Variants in PARN observed in about 807,000 individuals in gnomAD.
The protein encoded by PARN is poly(A)-specific ribonuclease.
A neutral mutation model predicts 102.8 loss-of-function variants in PARN; 71 were observed. That is an observed-to-expected ratio of 0.69 (90% confidence interval 0.57 to 0.84). The LOEUF (loss-of-function observed/expected upper bound fraction) is 0.84, where lower values mean the gene tolerates loss of function less well. PARN is among the 40% of genes least tolerant of loss of function. PARN has a pLI of 0.00. For synonymous variants in PARN, 261 were observed against 252.9 expected (o/e 1.03, Z -0.30); for missense variants, 782 against 760.9 (o/e 1.03, Z -0.33).
intron 22 of PARN, among the ~76,000 whole-genome samples, chr16:14,447,927 A>G (rs12598986): frequency 0.16 from 24,700 of 150,760 alleles, 2,101 homozygotes; most frequent in East Asian, 0.25. Flanking sequence ...GGAGGTGGGT[A>G]CTTTTAAATT....
rs530015458 is a variant in PARN, at chr16:14,443,443, C to T, written c.1864+3445G>A. Among the ~76,000 whole-genome samples, 9 of 151,262 alleles carry T rather than the reference C, an allele frequency of 5.9e-5. No individual in the cohort carries two copies. The East Asian group carries it at 7.8e-4, about 13-fold the overall frequency. On this transcript the variant is annotated intron_variant, in intron 23 of 23. Coordinates refer to ENST00000437198, the MANE Select transcript of PARN (RefSeq NM_002582.4). ...GCAACCTCTGCCTCCCTGGTTCAAG[C>T]GATTCTCCTGCCTCAGCCTCCCAAG... is the stretch of plus-strand genomic sequence containing the variant.
At chr16:14,599,398 T>C (rs1041902734) in intron 12 of PARN, among the ~76,000 whole-genome samples, 2 of 152,182 alleles carry the variant, frequency 1.3e-5, no homozygotes, top group Non-Finnish European at 2.9e-5. Flanking sequence ...ATATCTATCA[T>C]AGAGTCCCCT....
chr16:14,461,586 C>T (rs1322990293), intron 22 of PARN, among the ~76,000 whole-genome samples: 1 of 152,194 alleles, frequency 6.6e-6, no homozygotes, highest in Admixed American at 6.5e-5. Flanking sequence ...TTTGTCACAA[C>T]CACTTTCCTC....
intron 5 of PARN, among the ~76,000 whole-genome samples, chr16:14,626,520 T>C (rs1306063016): frequency 6.6e-6 from 1 of 152,130 alleles, no homozygotes; most frequent in Non-Finnish European, 1.5e-5. Flanking sequence ...CAAATGGAGT[T>C]ACGAAACTAT....
chr16:14,462,294 G>C (rs2151574036), intron 22 of PARN, among the ~76,000 whole-genome samples: 1 of 152,168 alleles, frequency 6.6e-6, no homozygotes, highest in South Asian at 2.1e-4. Flanking sequence ...AGTATTGAAG[G>C]GGGAAAGTCA....
chr16:14,443,765 C>A (rs1961063481), intron 23 of PARN, among the ~76,000 whole-genome samples: 2 of 152,190 alleles, frequency 1.3e-5, no homozygotes, highest in South Asian at 2.1e-4. Flanking sequence ...ACAGAAAATA[C>A]CCACAGGTAG....
chr16:14,459,675 T>C (rs992308814), intron 22 of PARN, among the ~76,000 whole-genome samples: 11 of 152,166 alleles, frequency 7.2e-5, no homozygotes, highest in Non-Finnish European at 1.2e-4. Flanking sequence ...ACTAAAACTT[T>C]TGTGGAAAAG....
At chr16:14,600,043 C>T in intron 11 of PARN, 83 bp from the exon 12 acceptor site, 2 of 757,418 alleles carry the variant, frequency 2.6e-6, no homozygotes, top group Non-Finnish European at 2.0e-6. Context: ...AAAAAAAAGA[C>T]ACTGAAATTT....
intron 19 of PARN, among the ~76,000 whole-genome samples, chr16:14,554,589 C>A (rs536772255): frequency 6.6e-6 from 1 of 151,890 alleles, no homozygotes; most frequent in Non-Finnish European, 1.5e-5. Context: ...TGCCACCGTG[C>A]CTGGCTAATT....
intron 5 of PARN, among the ~76,000 whole-genome samples, chr16:14,622,633 T>A (rs572396634): frequency 6.6e-6 from 1 of 152,278 alleles, no homozygotes; most frequent in Admixed American, 6.5e-5. Context: ...GCCTCCCGAG[T>A]AGCTGGGACT....
intron 21 of PARN, among the ~76,000 whole-genome samples, chr16:14,491,768 T>A (rs750510203): frequency 6.7e-6 from 1 of 150,266 alleles, no homozygotes; most frequent in Non-Finnish European, 1.5e-5. Flanking sequence ...TAAGACCCTA[T>A]CTCAAAAAAA....
In PARN at chr16:14,567,576, T is replaced by C. The variant is rs769285276; in HGVS notation, c.1263-11867A>G. 5.8e-4 allele frequency among the ~76,000 whole-genome samples: 89 copies of C among 152,282 alleles called. No individual in the cohort carries two copies. The Middle Eastern group carries it at 0.014, about 23-fold the overall frequency. On this transcript the variant is annotated intron_variant, in intron 18 of 23. Coordinates refer to ENST00000437198, the MANE Select transcript of PARN (RefSeq NM_002582.4). ...TTACTCCCTCATGCAAGCACATTAA[T>C]ATAAAATTAAAGGATAACTACTACC...
intron 6 of PARN, among the ~76,000 whole-genome samples, chr16:14,616,870 G>C (rs1284292377): frequency 6.6e-6 from 1 of 152,036 alleles, no homozygotes; most frequent in Admixed American, 6.6e-5. Context: ...TGGAATACAG[G>C]ACATTTCTAA....
chr16:14,482,771 T>C lies in PARN; in HGVS notation c.1537A>G (p.Met513Val), dbSNP rs1963452428. Residue 513 changes from methionine to valine, a missense_variant, in exon 22 of 24, where the codon ATG becomes GTG. Coordinates refer to ENST00000437198, the MANE Select transcript of PARN (RefSeq NM_002582.4). ...SYRIQTYAEY[M>V]GRKQEEKQIK... Reference sequence around the variant, plus strand: ...TGCTTCTCTTCCTGTTTTCTCCCCATATATTCAGCATAGGTTTGGATCCGA... The same window carrying C: ...TGCTTCTCTTCCTGTTTTCTCCCCACATATTCAGCATAGGTTTGGATCCGA... 1.2e-6 allele frequency: 2 copies of C among 1,613,784 alleles called. No homozygotes were observed. Among genetic ancestry groups the C allele is most frequent in the African/African-American group, 1.3e-5 (1 of 74,906 alleles).
At chr16:14,463,435 C>A (rs548987237) in intron 22 of PARN, among the ~76,000 whole-genome samples, 1 of 152,142 alleles carries the variant, frequency 6.6e-6, no homozygotes, top group East Asian at 1.9e-4. Context: ...CAAAGACTAT[C>A]AGGTATGCAA....
At position 14,580,873 on chromosome 16, in the gene PARN, C is replaced by G; in HGVS notation, c.1262+1G>C. 1 of 1,586,604 alleles carries G rather than the reference C, an allele frequency of 6.3e-7. No individual in the cohort carries two copies. Among genetic ancestry groups the G allele is most frequent in the Non-Finnish European group, 8.7e-7 (1 of 1,155,482 alleles). On this transcript the variant is annotated splice_donor_variant, in intron 18 of 23. Coordinates refer to ENST00000437198, the MANE Select transcript of PARN (RefSeq NM_002582.4). LOFTEE classifies it high-confidence loss of function. ...GAAACTGGAACTCTCTGATTACTTA[C>G]TTGTTAAAAAAAGGTTCAATGAGTT...
intron 22 of PARN, among the ~76,000 whole-genome samples, chr16:14,477,250 G>C (rs1289749171): frequency 1.3e-5 from 2 of 151,802 alleles, no homozygotes; most frequent in Non-Finnish European, 2.9e-5. Context: ...GACCAGCCTG[G>C]CCAACAGAGC....
intron 5 of PARN, among the ~76,000 whole-genome samples, chr16:14,618,526 TG>T (rs1184877197): frequency 6.9e-6 from 1 of 145,052 alleles, no homozygotes; most frequent in African/African-American, 2.6e-5. Context: ...CCAGGTGTGG[TG>T]GTGTGTACCT....
At chr16:14,610,260 G>C (rs1026605036) in intron 7 of PARN, among the ~76,000 whole-genome samples, 4 of 152,028 alleles carry the variant, frequency 2.6e-5, no homozygotes, top group African/African-American at 9.7e-5. Flanking sequence ...ATCACTTGAG[G>C]CCAGGAGTTC....
Sources: allele counts gnomAD v4.1 joint callset (sites outside exome capture counted in the v4.1 genomes callset), GRCh38; gene constraint gnomAD v4.1.1; transcripts MANE v1.5; gene names NCBI Gene and HGNC (gene_info 2026-07-23, HGNC 2026-07-21).